The following WASF3 variants were observed in gnomAD, a reference collection of about 807,000 sequenced individuals.
The protein encoded by WASF3 is actin-binding protein WASF3.
Under a neutral mutation model 46.6 loss-of-function variants are expected in WASF3, and 11 were observed. The observed-to-expected ratio is 0.24, with a 90% CI of 0.15 to 0.39. WASF3 has a LOEUF of 0.39. WASF3 is among the 10% of genes least tolerant of loss of function. The pLI is 1.00. For missense variants in WASF3, 576 were observed against 669.8 expected (o/e 0.86, Z 1.55); for synonymous variants, 242 against 259.7 (o/e 0.93, Z 0.65).
chr13:26,554,096 C>CTTCCTTCCTTCCTTCT (rs1566032476), upstream of WASF3, among the ~76,000 whole-genome samples: 3 of 7,386 alleles, frequency 4.1e-4, no homozygotes, highest in African/African-American at 3.7e-4. Flanking sequence ...TCCTTCCTTC[C>CTTCCTTCCTTCCTTCT]TTCTTTCTTT....
intron 3 of WASF3, among the ~76,000 whole-genome samples, chr13:26,655,680 T>G (rs1177308950): frequency 1.3e-5 from 2 of 152,220 alleles, no homozygotes; most frequent in African/African-American, 4.8e-5. Flanking sequence ...TAGTAAGCAT[T>G]CTGCTGCAAA....
intron 6 of WASF3, among the ~76,000 whole-genome samples, chr13:26,672,454 T>G (rs893080606): frequency 6.6e-6 from 1 of 152,214 alleles, no homozygotes; most frequent in Non-Finnish European, 1.5e-5. Context: ...TAGGATTTAC[T>G]GAAAATGAGC....
chr13:26,637,009 G>A (rs1205847115), intron 2 of WASF3, among the ~76,000 whole-genome samples: 1 of 152,164 alleles, frequency 6.6e-6, no homozygotes, highest in Non-Finnish European at 1.5e-5. Context: ...GCCACCCTCT[G>A]GAGCATGTGT....
At chr13:26,615,419 C>T (rs951302305) in intron 2 of WASF3, among the ~76,000 whole-genome samples, 1 of 152,150 alleles carries the variant, frequency 6.6e-6, no homozygotes, top group Non-Finnish European at 1.5e-5. Context: ...AGCGATTCTC[C>T]TGCCTCAGCC....
chr13:26,590,913 A>C (rs1880273266), intron 1 of WASF3, among the ~76,000 whole-genome samples: 1 of 152,200 alleles, frequency 6.6e-6, no homozygotes, highest in Admixed American at 6.5e-5. Context: ...GGTAATGGAG[A>C]GAACTAAATC....
chr13:26,542,665 A>G, the WASF3 span, among the ~76,000 whole-genome samples: 1 of 152,228 alleles, frequency 6.6e-6, no homozygotes. Context: ...TATTCACACA[A>G]AGCTATATGT....
chr13:26,592,856 C>T (rs1880346031), intron 1 of WASF3, among the ~76,000 whole-genome samples: 1 of 152,058 alleles, frequency 6.6e-6, no homozygotes, highest in South Asian at 2.1e-4. Context: ...GTGCCTGTCT[C>T]TGTGGGTTAA....
rs1382472038 is a variant in WASF3 at position 26,557,772 on chromosome 13, A to C, written c.-156A>C. ...CGGGCGGCCGCGGCGCGGCGGGACC[A>C]TGGAGCTCAGAGCGCAGCCCCGGCG... On this transcript the variant is annotated 5_prime_UTR_variant, in exon 1 of 10. It removes an upstream start codon present in the reference 5' UTR. Transcript: ENST00000335327. The C allele has an allele frequency of 7.6e-6, 2 of 261,890 alleles. No homozygotes were observed. The highest frequency in any genetic ancestry group is 1.4e-5 in the Non-Finnish European group (2 of 140,184). The allele number at this position is 261,890 out of a possible 1,614,324, so 16.2% of individuals were successfully genotyped here.
the WASF3 span, among the ~76,000 whole-genome samples, chr13:26,547,632 C>T: frequency 6.6e-6 from 1 of 152,272 alleles, no homozygotes; most frequent in Admixed American, 6.5e-5. Context: ...AATCAGTTTT[C>T]CTCTCTTCTG....
At position 26,592,916 on chromosome 13, in the gene WASF3, G is replaced by C. The variant is rs182020769; in HGVS notation, c.-108-20045G>C. Reference sequence around the variant, plus strand: ...TCATTTCTGTAATGATACACAACTTGTGGCAATATTTACAGTGATTTTCTT... The same window carrying C: ...TCATTTCTGTAATGATACACAACTTCTGGCAATATTTACAGTGATTTTCTT... On this transcript the variant is annotated intron_variant, in intron 1 of 9. Transcript: ENST00000335327. 2.0e-5 allele frequency among the ~76,000 whole-genome samples: 3 copies of C among 152,238 alleles called. No homozygotes were observed. In the East Asian group the frequency reaches 5.8e-4, roughly 29 times the overall value.
upstream of WASF3, among the ~76,000 whole-genome samples, chr13:26,554,770 T>C (rs149438204): frequency 2.7e-3 from 412 of 152,356 alleles, 3 homozygotes; most frequent in East Asian, 5.4e-3. Context: ...ATGGATGTAC[T>C]GCAATTTGTT....
At chr13:26,566,462 C>T (rs1398189362) in intron 1 of WASF3, among the ~76,000 whole-genome samples, 1 of 152,160 alleles carries the variant, frequency 6.6e-6, no homozygotes, top group Non-Finnish European at 1.5e-5. Context: ...GTTCTAGTCT[C>T]CGTGGTCAGT....
At chr13:26,579,917 C>T (rs1340713225) in intron 1 of WASF3, among the ~76,000 whole-genome samples, 3 of 152,206 alleles carry the variant, frequency 2.0e-5, no homozygotes, top group East Asian at 3.8e-4. Context: ...ACCTATGGCC[C>T]ATGGGCTGCA....
chr13:26,606,362 G>GTGTGTC (rs778341779), intron 1 of WASF3, among the ~76,000 whole-genome samples: 1 of 125,354 alleles, frequency 8.0e-6, no homozygotes, highest in Admixed American at 8.5e-5. Context: ...GTGTGTGTGT[G>GTGTGTC]TGTCTGTGGC....
chr13:26,634,322 TG>T (rs1438540088), intron 2 of WASF3, among the ~76,000 whole-genome samples: 5 of 152,234 alleles, frequency 3.3e-5, no homozygotes, highest in Admixed American at 3.3e-4. Context: ...CTGTTTTCTT[TG>T]CTTTCCATTT....
At chr13:26,665,240 CT>C in intron 4 of WASF3, 78 bp downstream of exon 4, 1 of 1,521,170 alleles carries the variant, frequency 6.6e-7, no homozygotes, top group Non-Finnish European at 8.9e-7. Flanking sequence ...GTAATTACTG[CT>C]TTTTCCTTGG....
Position 26,681,174 on chromosome 13 carries a change from C to T in WASF3, c.837C>T (p.Ser279=). ...AGDVPPHGPA[S]QAAEHEYRPP... is the part of the protein sequence containing the mutation. The stretch of plus-strand genomic sequence containing the variant: ...ACGTGCCACCACACGGGCCTGCAAG[C>T]CAGGCTGCGGAGCATGAGTACCGGC... The change falls in exon 8 of 10, where the codon AGC becomes AGT. Residue 279 remains serine (S), a synonymous_variant. Transcript: ENST00000335327. 1 of 1,614,168 alleles carries T rather than the reference C, an allele frequency of 6.2e-7. No homozygotes were observed. Among genetic ancestry groups the T allele is most frequent in the Non-Finnish European group, 8.5e-7 (1 of 1,180,028 alleles).
chr13:26,660,703 T>TA (rs573164735), intron 3 of WASF3, among the ~76,000 whole-genome samples: 4 of 151,896 alleles, frequency 2.6e-5, no homozygotes, highest in Non-Finnish European at 4.4e-5. Flanking sequence ...TCCAGGTTTT[T>TA]AAAAAAAACT....
At chr13:26,663,871 T>A (rs907370510) in intron 3 of WASF3, among the ~76,000 whole-genome samples, 9 of 152,184 alleles carry the variant, frequency 5.9e-5, no homozygotes, top group African/African-American at 2.2e-4. Flanking sequence ...AAGACCATAT[T>A]TTTGTTTCAT....
Sources: gnomAD v4.1 joint callset for allele counts (sites outside exome capture counted in the v4.1 genomes callset) on GRCh38, gnomAD v4.1.1 for gene constraint, MANE v1.5 for transcripts, NCBI Gene and HGNC (gene_info 2026-07-23, HGNC 2026-07-21) for gene names.